The following MAP4K5 variants were observed in gnomAD, a reference collection of about 807,000 sequenced individuals.
MAP4K5 encodes the protein MAPK/ERK kinase kinase kinase 5.
A neutral mutation model predicts 135.6 loss-of-function variants in MAP4K5; 82 were observed. That is an observed-to-expected ratio of 0.60 (90% confidence interval 0.51 to 0.73). MAP4K5 has a LOEUF of 0.73. Among genes scored for constraint, MAP4K5 ranks in the 30% least tolerant of loss-of-function variants. The probability of loss-of-function intolerance (pLI) is 0.00; values close to 1 mark genes in which losing one functional copy is unlikely to be tolerated. For missense variants in MAP4K5, 907 were observed against 1,010.9 expected (o/e 0.90, Z 1.39); for synonymous variants, 347 against 335.0 (o/e 1.04, Z -0.39).
intron 3 of MAP4K5, among the ~76,000 whole-genome samples, chr14:50,501,854 C>T (rs2037712165): frequency 6.6e-6 from 1 of 152,098 alleles, no homozygotes; most frequent in African/African-American, 2.4e-5. Flanking sequence ...ATTCTAACTC[C>T]CCCACTGGAA....
intron 1 of MAP4K5, among the ~76,000 whole-genome samples, chr14:50,548,112 G>A (rs1034237047): frequency 6.6e-6 from 1 of 152,116 alleles, no homozygotes; most frequent in Non-Finnish European, 1.5e-5. Context: ...CCCGGGATAG[G>A]GGCCCAAATT....
chr14:50,488,171 T>C (rs1250990683), intron 3 of MAP4K5, among the ~76,000 whole-genome samples: 2 of 152,118 alleles, frequency 1.3e-5, no homozygotes, highest in Non-Finnish European at 2.9e-5. Flanking sequence ...TCTGACACTG[T>C]GGCAGGTGAG....
chr14:50,486,196 T>G lies in MAP4K5; in HGVS notation c.167-2A>C, dbSNP rs2037360347. On this transcript the variant is annotated splice_acceptor_variant, in intron 3 of 32. Transcript: ENST00000682126. LOFTEE classifies it high-confidence loss of function. ...GTTGAATCAAAGAAAAATCATCTCC[T>G]GGAAAACAAAATAAGTTGTTTATCA... 1.9e-6 allele frequency: 2 copies of G among 1,054,834 alleles called. No homozygotes were observed. Among genetic ancestry groups the G allele is most frequent in the Admixed American group, 2.6e-5 (1 of 38,202 alleles). 65.3% of individuals were successfully genotyped at this position (1,054,834 alleles called of 1,614,324 possible). A position where few individuals can be genotyped will look rare whatever the true frequency, so the allele number is the denominator to read the frequency against.
At chr14:50,470,002 A>C (rs2036920750) in intron 9 of MAP4K5, among the ~76,000 whole-genome samples, 1 of 152,220 alleles carries the variant, frequency 6.6e-6, no homozygotes, top group Non-Finnish European at 1.5e-5. Flanking sequence ...ACTATATGCA[A>C]GTGCTACATA....
At chr14:50,496,461 T>C (rs2037595320) in intron 3 of MAP4K5, among the ~76,000 whole-genome samples, 1 of 152,138 alleles carries the variant, frequency 6.6e-6, no homozygotes, top group Non-Finnish European at 1.5e-5. Flanking sequence ...CAGCTGGATG[T>C]TTAAATGAAT....
Position 50,425,955 on chromosome 14 carries a change from C to G in MAP4K5, c.2349G>C (p.Leu783Phe). The G allele has an allele frequency of 6.2e-7, 1 of 1,612,148 alleles. No individual in the cohort carries two copies. The highest frequency in any genetic ancestry group is 8.5e-7 in the Non-Finnish European group (1 of 1,178,772). Residue 783 changes from leucine (L) to phenylalanine (F), a missense_variant, in exon 31 of 33, where the codon TTG (leucine) becomes TTC (phenylalanine). Around this residue, in one of 3 missense-constraint regions of MAP4K5, gnomAD observed 690 missense variants for 777.4 expected, o/e 0.89. Coordinates refer to ENST00000682126, the MANE Select transcript of MAP4K5 (RefSeq NM_006575.6). Reference sequence around the variant, plus strand: ...CCTGCATCCCATGTTTCCAGAAAGCCAACACACTGTCTTGAAGGCATACTA... The same window carrying G: ...CCTGCATCCCATGTTTCCAGAAAGCGAACACACTGTCTTGAAGGCATACTA... ...ESVVCLQDSV[L>F]AFWKHGMQGK...
At chr14:50,439,078 A>C (rs2036164194) in intron 23 of MAP4K5, among the ~76,000 whole-genome samples, 1 of 152,014 alleles carries the variant, frequency 6.6e-6, no homozygotes, top group African/African-American at 2.4e-5. Flanking sequence ...ATTTTGGGGA[A>C]GCATAATTAA....
chr14:50,512,856 C>T (rs1340791315), intron 2 of MAP4K5, among the ~76,000 whole-genome samples: 2 of 152,138 alleles, frequency 1.3e-5, no homozygotes, highest in Admixed American at 1.3e-4. Flanking sequence ...GTGATACTCT[C>T]AATTCTTTTT....
rs1450116526 is a variant in MAP4K5 at position 50,484,433 on chromosome 14, T to G, written c.322+1145A>C. The stretch of plus-strand genomic sequence containing the variant: ...TTAAAAGTTTACTTCTGAGCTTTGC[T>G]TTCCCTCTCCTCTGGTAATGACTTA... On this transcript the variant is annotated intron_variant, in intron 5 of 32. Transcript: ENST00000682126. Among the ~76,000 whole-genome samples the G allele has an allele frequency of 2.6e-5, 4 of 152,324 alleles. No individual in the cohort carries two copies. In the East Asian group the frequency reaches 5.8e-4, roughly 22 times the overall value.
intron 6 of MAP4K5, among the ~76,000 whole-genome samples, chr14:50,477,898 G>C (rs2037138912): frequency 6.6e-6 from 1 of 152,056 alleles, no homozygotes; most frequent in African/African-American, 2.4e-5. Context: ...GGTTTATGAA[G>C]AACATTAGCC....
At chr14:50,472,674 T>TGG (rs1459248734) in intron 9 of MAP4K5, 1 of 152,186 alleles carries the variant, frequency 6.6e-6, no homozygotes, top group African/African-American at 2.4e-5. Flanking sequence ...ATATGGAATG[T>TGG]GGGGATGCCT....
At chr14:50,529,880 G>T (rs997325064) in intron 2 of MAP4K5, among the ~76,000 whole-genome samples, 1 of 152,182 alleles carries the variant, frequency 6.6e-6, no homozygotes, top group Non-Finnish European at 1.5e-5. Context: ...AATGACTAAG[G>T]AGAGTGGTAG....
At chr14:50,550,898 G>A (rs1316130654) in intron 1 of MAP4K5, among the ~76,000 whole-genome samples, 3 of 152,102 alleles carry the variant, frequency 2.0e-5, no homozygotes, top group South Asian at 2.1e-4. Context: ...AGAAAAAATG[G>A]TGCTAAGAGG....
At chr14:50,488,310 C>T (rs553732302) in intron 3 of MAP4K5, among the ~76,000 whole-genome samples, 11 of 152,200 alleles carry the variant, frequency 7.2e-5, no homozygotes, top group Non-Finnish European at 1.3e-4. Flanking sequence ...CCAATCACCT[C>T]CCACCAGGCC....
At chr14:50,442,656 T>C (rs1404241705) in intron 21 of MAP4K5, 76 bp downstream of exon 21, 2 of 1,044,198 alleles carry the variant, frequency 1.9e-6, no homozygotes, top group African/African-American at 3.3e-5. Flanking sequence ...ATAAACAACT[T>C]CAAGTCACTG....
intron 13 of MAP4K5, 112 bp downstream of exon 13, chr14:50,462,553 A>C (rs1462878487): frequency 1.4e-6 from 1 of 704,880 alleles, no homozygotes; most frequent in Non-Finnish European, 2.5e-6. Flanking sequence ...CTGTAGCTAA[A>C]CCTGTTTTAA....
Position 50,482,402 on chromosome 14 carries a change from A to G in MAP4K5, c.337T>C (p.Ser113Pro). 6.5e-7 allele frequency: 1 copy of G among 1,530,180 alleles called. No homozygotes were observed. The highest frequency in any genetic ancestry group is 8.8e-7 in the Non-Finnish European group (1 of 1,138,964). The allele number at this position is 1,530,180 out of a possible 1,614,324, so 94.8% of individuals were successfully genotyped here. ...QDIYHVTGPL[S>P]ELQIAYVCRE... The stretch of plus-strand genomic sequence containing the variant: ...CATACATAGGCTATTTGCAATTCTG[A>G]TAATGGTCCAGTAACTAGAAAGAAA... Residue 113 changes from serine (S) to proline (P), a missense_variant, in exon 6 of 33, where the codon TCA becomes CCA. By Grantham distance (74) the Ser-to-Pro change is moderately conservative. This residue lies in a region of MAP4K5 where 196 missense variants were observed against 189.3 expected (regional missense o/e 1.04). Coordinates refer to ENST00000682126, the MANE Select transcript of MAP4K5 (RefSeq NM_006575.6).
Position 50,501,642 on chromosome 14 carries a change from G to A in MAP4K5, c.166+3158C>T, listed in dbSNP as rs183267487. ...AGTATACCAGTTCTATCCATTTGTT[G>A]TATGCCACATAAATATAAACAAAAA... On this transcript the variant is annotated intron_variant, in intron 3 of 32. Coordinates refer to ENST00000682126, the MANE Select transcript of MAP4K5 (RefSeq NM_006575.6). Among the ~76,000 whole-genome samples the A allele has an allele frequency of 1.4e-4, 21 of 152,186 alleles. No individual in the cohort carries two copies. In the East Asian group the frequency reaches 3.9e-3, roughly 28 times the overall value.
At chr14:50,521,030 AGGCT>A (rs1276936360) in intron 2 of MAP4K5, among the ~76,000 whole-genome samples, 2 of 152,126 alleles carry the variant, frequency 1.3e-5, no homozygotes, top group Non-Finnish European at 2.9e-5. Context: ...CATGTTGGCC[AGGCT>A]GGTCTCAAAC....
Sources: gnomAD v4.1 joint callset for allele counts (sites outside exome capture counted in the v4.1 genomes callset) on GRCh38, gnomAD v4.1.1 for gene constraint, gnomAD v4.1.1 regional missense constraint, MANE v1.5 for transcripts, NCBI Gene and HGNC (gene_info 2026-07-23, HGNC 2026-07-21) for gene names.